SEMA3F: variants seen among roughly 807,000 people sequenced by gnomAD.
SEMA3F encodes semaphorin-3F.
In SEMA3F, 30 loss-of-function variants were observed where a neutral mutation model predicts 98.5. The ratio of observed to expected loss-of-function variants is 0.30; its 90% CI spans 0.23 to 0.41. The LOEUF (loss-of-function observed/expected upper bound fraction) is 0.41, where lower values mean the gene tolerates loss of function less well. Ranked by LOEUF, SEMA3F falls within the 10% of genes least tolerant of loss-of-function variation. SEMA3F has a pLI of 1.00. For missense variants in SEMA3F, 866 were observed against 1,119.3 expected, an observed-to-expected ratio of 0.77 and a Z score of 3.23; for synonymous variants, 380 against 444.8, an observed-to-expected ratio of 0.85 and a Z score of 1.83.
At chr3:50,173,018 A>T (rs1575391489) in intron 2 of SEMA3F, among the ~76,000 whole-genome samples, 1 of 152,220 alleles carries the variant, frequency 6.6e-6, no homozygotes, top group African/African-American at 2.4e-5. Flanking sequence ...CCGCCCTTTC[A>T]TTGGGACCCA....
intron 5 of SEMA3F, among the ~76,000 whole-genome samples, chr3:50,174,660 C>T (rs1185696994): frequency 7.9e-5 from 12 of 152,238 alleles, no homozygotes; most frequent in African/African-American, 2.7e-4. Context: ...GCCTGTGGAC[C>T]GTGCCCCGAC....
intron 6 of SEMA3F, among the ~76,000 whole-genome samples, chr3:50,175,772 G>A (rs778034385): frequency 5.9e-5 from 9 of 152,176 alleles, no homozygotes; most frequent in Non-Finnish European, 1.3e-4. Context: ...GTTTGTGGTG[G>A]GGAGTGCAGA....
At chr3:50,167,489 G>A (rs767866071) in intron 2 of SEMA3F, among the ~76,000 whole-genome samples, 19 of 152,202 alleles carry the variant, frequency 1.2e-4, no homozygotes, top group African/African-American at 4.3e-4. Flanking sequence ...TGTCCTGGGC[G>A]GAGTAGGTGA....
intron 2 of SEMA3F, among the ~76,000 whole-genome samples, chr3:50,173,001 G>A (rs1245546351): frequency 1.3e-5 from 2 of 152,174 alleles, no homozygotes; most frequent in African/African-American, 4.8e-5. Context: ...ACCCTGGCCC[G>A]CACCTACCGC....
At position 50,158,353 on chromosome 3, in the gene SEMA3F, T is replaced by C. The variant is rs1490856056; in HGVS notation, c.-48-1222T>C. Among the ~76,000 whole-genome samples the C allele has an allele frequency of 1.3e-5, 2 of 152,212 alleles. No homozygotes were observed. The highest frequency in any genetic ancestry group is 2.4e-5 in the African/African-American group (1 of 41,452). On this transcript the variant is annotated intron_variant, in intron 1 of 18. Transcript: ENST00000002829. This position sits in a 1 kb window ranked among gnomAD's most constrained non-coding sequence, Gnocchi z 4.8. ...AAGGAGTGGGCCAAGAGGCTGAAGC[T>C]GCACTTCCTGTCTGAGGAGCCATGA...
chr3:50,175,648 C>T (rs1698782895), intron 6 of SEMA3F, among the ~76,000 whole-genome samples: 1 of 151,908 alleles, frequency 6.6e-6, no homozygotes, highest in South Asian at 2.1e-4. Context: ...GCTTGGGGCG[C>T]TCTTCTCCCG....
intron 2 of SEMA3F, among the ~76,000 whole-genome samples, chr3:50,164,362 A>G (rs1294774767): frequency 6.6e-6 from 1 of 152,238 alleles, no homozygotes; most frequent in Non-Finnish European, 1.5e-5. Context: ...GAAACCGCCA[A>G]GATAAAAATC....
chr3:50,186,663 G>C lies in SEMA3F; in HGVS notation c.1864G>C (p.Ala622Pro), dbSNP rs776485274. ...GCAGTATGGCGTGGCCGGCAGCGCA[G>C]CCTTCCTTGAGTGCCAGCCCCGCTC... ...SVQYGVAGSA[A>P]FLECQPRSPQ... is the part of the protein sequence containing the mutation. The change falls in exon 18 of 19, where the codon GCC becomes CCC. Residue 622 changes from alanine (A) to proline (P), a missense_variant. Coordinates refer to ENST00000002829, the MANE Select transcript of SEMA3F (RefSeq NM_004186.5). The C allele has an allele frequency of 6.2e-7, 1 of 1,609,570 alleles. No individual in the cohort carries two copies. The highest frequency in any genetic ancestry group is 1.1e-5 in the South Asian group (1 of 90,910).
Position 50,186,361 on chromosome 3 carries a change from G to T in SEMA3F, c.1813+13G>T. Reference sequence around the variant, plus strand: ...TTCAACTCCAATGGTGAGTATGCTGGGCCTCACTGTGGGGTGCTGCTCACA... The same window carrying T: ...TTCAACTCCAATGGTGAGTATGCTGTGCCTCACTGTGGGGTGCTGCTCACA... On this transcript the variant is annotated intron_variant, in intron 17 of 18. Transcript: ENST00000002829. 6.2e-7 allele frequency: 1 copy of T among 1,612,268 alleles called. No individual in the cohort carries two copies. The highest frequency in any genetic ancestry group is 8.5e-7 in the Non-Finnish European group (1 of 1,178,930).
Position 50,176,851 on chromosome 3 carries a change from G to A in SEMA3F, c.633G>A (p.Ser211=), listed in dbSNP as rs761587055. ...CPYDPKLDTA[S]ALINEELYAG... Reference sequence around the variant, plus strand: ...ACGATCCCAAGCTGGACACAGCATCGGCCCTCATCAGTGAGTGCCCCCCAA... The same window carrying A: ...ACGATCCCAAGCTGGACACAGCATCAGCCCTCATCAGTGAGTGCCCCCCAA... The change falls in exon 7 of 19, where the codon TCG becomes TCA. Residue 211 remains serine (S), a synonymous_variant. Transcript: ENST00000002829. The A allele has an allele frequency of 2.6e-4, 424 of 1,613,316 alleles. No homozygotes were observed. Among genetic ancestry groups the A allele is most frequent in the Non-Finnish European group, 3.4e-4 (402 of 1,179,748 alleles).
chr3:50,182,446 G>A lies in SEMA3F; in HGVS notation c.763+43G>A. On this transcript the variant is annotated intron_variant, in intron 8 of 18. Transcript: ENST00000002829. The surrounding 1 kb of genome is among the most constrained non-coding windows in gnomAD (Gnocchi z 4.5). ...AGCCCTTCCGTGGCCATGTGTCTGG[G>A]ATGCGGCAAGGAGGTCGTAAAGAAG... The A allele has an allele frequency of 6.2e-7, 1 of 1,610,316 alleles. No homozygotes were observed.
At chr3:50,169,809 G>T (rs1209663128) in intron 2 of SEMA3F, among the ~76,000 whole-genome samples, 3 of 152,228 alleles carry the variant, frequency 2.0e-5, no homozygotes, top group Non-Finnish European at 4.4e-5. Flanking sequence ...GCCACCTCAG[G>T]TCCCAGGTTC....
intron 2 of SEMA3F, among the ~76,000 whole-genome samples, chr3:50,167,279 G>A (rs766413266): frequency 7.2e-5 from 11 of 152,240 alleles, no homozygotes; most frequent in Non-Finnish European, 1.6e-4. Context: ...CATGGACCAT[G>A]GGGAAGGCAG....
Position 50,182,888 on chromosome 3 carries a change from T to A in SEMA3F, c.904-16T>A. On this transcript the variant is annotated splice_polypyrimidine_tract_variant and intron_variant, in intron 9 of 18. Transcript: ENST00000002829. This position sits in a 1 kb window ranked among gnomAD's most constrained non-coding sequence, Gnocchi z 4.5. ...TCAAGAGCTGATCTGACCCGGCCTC[T>A]TGCCCCACCCCCCAGAACGATGACG... 6.2e-7 allele frequency: 1 copy of A among 1,613,242 alleles called. No individual in the cohort carries two copies. Among genetic ancestry groups the A allele is most frequent in the Non-Finnish European group, 8.5e-7 (1 of 1,179,536 alleles).
chr3:50,168,529 A>C (rs2624837), intron 2 of SEMA3F, among the ~76,000 whole-genome samples: 1 of 152,042 alleles, frequency 6.6e-6, no homozygotes, highest in African/African-American at 2.4e-5. Context: ...GAAGGTACGT[A>C]CAAAGGCATC....
At chr3:50,178,502 C>G (rs1698898963) in intron 7 of SEMA3F, among the ~76,000 whole-genome samples, 1 of 151,884 alleles carries the variant, frequency 6.6e-6, no homozygotes, top group Non-Finnish European at 1.5e-5. Flanking sequence ...GGGTGGATCA[C>G]TTGAGGTCAG....
chr3:50,168,079 GT>G (rs887837425), intron 2 of SEMA3F, among the ~76,000 whole-genome samples: 1 of 152,236 alleles, frequency 6.6e-6, no homozygotes, highest in Non-Finnish European at 1.5e-5. Context: ...GCTGTAATTG[GT>G]TTTGTTGGCA....
chr3:50,155,838 T>G lies in SEMA3F; in HGVS notation c.-49+274T>G, dbSNP rs139314222. The G allele has an allele frequency of 4.0e-4, 66 of 164,540 alleles. No homozygotes were observed. The highest frequency in any genetic ancestry group is 1.6e-3 in the African/African-American group (65 of 41,878). 10.2% of individuals were successfully genotyped at this position (164,540 alleles called of 1,614,324 possible). On this transcript the variant is annotated intron_variant, in intron 1 of 18. Coordinates refer to ENST00000002829, the MANE Select transcript of SEMA3F (RefSeq NM_004186.5). This position sits in a 1 kb window ranked among gnomAD's most constrained non-coding sequence, Gnocchi z 4.9. The stretch of plus-strand genomic sequence containing the variant: ...TGCAAAGCAACTTTTTCCTGCAAGG[T>G]TCTGGGTGGGTGCTCTCATACACCC...
At chr3:50,170,581 C>T (rs2068457880) in intron 2 of SEMA3F, among the ~76,000 whole-genome samples, 1 of 152,138 alleles carries the variant, frequency 6.6e-6, no homozygotes, top group Non-Finnish European at 1.5e-5. Flanking sequence ...GAGCCTCTCT[C>T]TGAGATCAGA....
Sources: allele counts gnomAD v4.1 joint callset (sites outside exome capture counted in the v4.1 genomes callset), GRCh38; gene constraint gnomAD v4.1.1; non-coding constraint Gnocchi (gnomAD v3.1); transcripts MANE v1.5; gene names NCBI Gene and HGNC (gene_info 2026-07-23, HGNC 2026-07-21).